The following TP63 variants were observed in gnomAD, a reference collection of about 807,000 sequenced individuals.
The protein encoded by TP63 is tumor protein 63.
TP63 carries 17 observed loss-of-function variants against 82.8 expected under a neutral mutation model. That is an observed-to-expected ratio of 0.21 (90% CI 0.14 to 0.31). The LOEUF is 0.31. Ranked by LOEUF, TP63 falls within the 10% of genes least tolerant of loss-of-function variation. The pLI is 1.00. For missense variants in TP63, 648 were observed against 895.3 expected, an observed-to-expected ratio of 0.72 and a Z score of 3.52; for synonymous variants, 330 against 321.7, an observed-to-expected ratio of 1.03 and a Z score of -0.28.
chr3:189,749,776 T>A (rs1235049781), intron 3 of TP63, among the ~76,000 whole-genome samples: 1 of 152,092 alleles, frequency 6.6e-6, no homozygotes, highest in African/African-American at 2.4e-5. Context: ...CATCAATTAA[T>A]AAAGAAATAA....
chr3:189,696,123 A>G (rs1237513244), intron 1 of TP63, among the ~76,000 whole-genome samples: 1 of 152,172 alleles, frequency 6.6e-6, no homozygotes, highest in Admixed American at 6.6e-5. Context: ...TGATAAACCC[A>G]TAATGTCATG....
chr3:189,662,520 A>C (rs911708990), intron 1 of TP63, among the ~76,000 whole-genome samples: 2 of 152,052 alleles, frequency 1.3e-5, no homozygotes, highest in African/African-American at 4.8e-5. Context: ...ACACAGAATA[A>C]AAGTTTATTT....
At chr3:189,656,724 A>C (rs1347050594) in intron 1 of TP63, among the ~76,000 whole-genome samples, 3 of 152,136 alleles carry the variant, frequency 2.0e-5, no homozygotes, top group Non-Finnish European at 4.4e-5. Context: ...AGGGACAAAA[A>C]ACAGATTTCC....
intron 13 of TP63, among the ~76,000 whole-genome samples, chr3:189,891,198 C>T (rs1249829556): frequency 1.3e-5 from 2 of 152,168 alleles, no homozygotes; most frequent in Non-Finnish European, 2.9e-5. Flanking sequence ...AGAATTAATA[C>T]AACTTTTTGA....
At chr3:189,775,489 C>A (rs1399529593) in intron 3 of TP63, among the ~76,000 whole-genome samples, 2 of 152,116 alleles carry the variant, frequency 1.3e-5, no homozygotes, top group Admixed American at 1.3e-4. Flanking sequence ...GCCATGTTTT[C>A]TCTCTCCTTG....
At chr3:189,787,166 T>C (rs1332611802) in intron 3 of TP63, among the ~76,000 whole-genome samples, 1 of 152,132 alleles carries the variant, frequency 6.6e-6, no homozygotes, top group Non-Finnish European at 1.5e-5. Flanking sequence ...CTTTATGTCA[T>C]TTAAGTATCT....
Position 189,890,672 on chromosome 3 carries a change from C to T in TP63, c.1653-117C>T, listed in dbSNP as rs571804965. 4.5e-5 allele frequency: 36 copies of T among 805,202 alleles called. No individual in the cohort carries two copies. In the African/African-American group the frequency reaches 5.7e-4, roughly 13 times the overall value. The allele number at this position is 805,202 out of a possible 1,614,324, so 49.9% of individuals were successfully genotyped here. On this transcript the variant is annotated intron_variant, in intron 12 of 13. Coordinates refer to ENST00000264731, the MANE Select transcript of TP63 (RefSeq NM_003722.5). ...CACATATATATTACCCAATCCTCAT[C>T]TCTGATGTGGGGCATCCAAGGGCAA... is the stretch of plus-strand genomic sequence containing the variant.
At chr3:189,834,068 A>G (rs1420656318) in intron 4 of TP63, among the ~76,000 whole-genome samples, 1 of 152,212 alleles carries the variant, frequency 6.6e-6, no homozygotes, top group Non-Finnish European at 1.5e-5. Flanking sequence ...TTGAAGGTTG[A>G]GAGACATGAC....
chr3:189,696,428 C>T (rs1337408243), intron 1 of TP63, among the ~76,000 whole-genome samples: 1 of 152,098 alleles, frequency 6.6e-6, no homozygotes, highest in African/African-American at 2.4e-5. Context: ...GGATATACCA[C>T]AACGTATTCA....
At chr3:189,621,430 CT>C in the TP63 span, among the ~76,000 whole-genome samples, 1 of 151,922 alleles carries the variant, frequency 6.6e-6, no homozygotes, top group African/African-American at 2.4e-5. Context: ...TAAATATTCT[CT>C]GTATATACAT....
At chr3:189,601,553 GA>G in the TP63 span, among the ~76,000 whole-genome samples, 2 of 148,346 alleles carry the variant, frequency 1.3e-5, no homozygotes, top group South Asian at 4.4e-4. Context: ...ACCATCTGCA[GA>G]AAGAATCCTC....
chr3:189,803,794 T>C (rs1231126382), intron 3 of TP63, among the ~76,000 whole-genome samples: 1 of 152,248 alleles, frequency 6.6e-6, no homozygotes, highest in Non-Finnish European at 1.5e-5. Flanking sequence ...GAAGCATCTG[T>C]TTGGAATCAC....
chr3:189,642,932 T>C (rs1480878118), intron 1 of TP63, among the ~76,000 whole-genome samples: 1 of 152,140 alleles, frequency 6.6e-6, no homozygotes, highest in Non-Finnish European at 1.5e-5. Context: ...AGAGGAAATA[T>C]ATTTCCAAGT....
At chr3:189,686,690 T>C (rs1399170038) in intron 1 of TP63, among the ~76,000 whole-genome samples, 1 of 140,750 alleles carries the variant, frequency 7.1e-6, no homozygotes, top group Non-Finnish European at 1.5e-5. Context: ...GTAAAATAAT[T>C]CACTGAGAAC....
At chr3:189,749,909 G>T (rs573146956) in intron 3 of TP63, among the ~76,000 whole-genome samples, 42 of 152,194 alleles carry the variant, frequency 2.8e-4, no homozygotes, top group Non-Finnish European at 3.5e-4. Context: ...AGATCATGAG[G>T]TCAGGAGATC....
chr3:189,828,128 C>T (rs1438837859), intron 4 of TP63, among the ~76,000 whole-genome samples: 2 of 151,890 alleles, frequency 1.3e-5, no homozygotes, highest in African/African-American at 4.8e-5. Flanking sequence ...GTAGTCCCAG[C>T]TACTCGGGAA....
intron 1 of TP63, among the ~76,000 whole-genome samples, chr3:189,682,556 ATATAT>A (rs1716062506): frequency 2.8e-4 from 1 of 3,612 alleles, no homozygotes; most frequent in African/African-American, 4.6e-4. Flanking sequence ...AAAAAAAAAT[ATATAT>A]ATATATATAT....
At chr3:189,859,732 A>G (rs991375319) in intron 4 of TP63, among the ~76,000 whole-genome samples, 17 of 152,236 alleles carry the variant, frequency 1.1e-4, no homozygotes, top group African/African-American at 3.9e-4. Flanking sequence ...AAATTTGTAC[A>G]TGAACGTTCA....
chr3:189,804,081 A>G (rs1474245672), intron 3 of TP63, among the ~76,000 whole-genome samples: 3 of 152,224 alleles, frequency 2.0e-5, no homozygotes, highest in South Asian at 2.1e-4. Context: ...TGCATATGGG[A>G]CATGGGGGCT....
Sources: allele counts gnomAD v4.1 joint callset (sites outside exome capture counted in the v4.1 genomes callset), GRCh38; gene constraint gnomAD v4.1.1; transcripts MANE v1.5; gene names NCBI Gene and HGNC (gene_info 2026-07-23, HGNC 2026-07-21).